NCAPD2: variants seen among roughly 807,000 people sequenced by gnomAD.
The protein encoded by NCAPD2 is condensin complex subunit 1.
In NCAPD2, 100 loss-of-function variants were observed where a neutral mutation model predicts 164.5. That is an observed-to-expected ratio of 0.61 (90% CI 0.52 to 0.72). The LOEUF is 0.72. NCAPD2 is among the 30% of genes least tolerant of loss of function. NCAPD2 has a pLI of 0.00. For synonymous variants in NCAPD2, 585 were observed against 642.6 expected, an observed-to-expected ratio of 0.91 and a Z score of 1.36; for missense variants, 1,560 against 1,749.2, an observed-to-expected ratio of 0.89 and a Z score of 1.93.
In NCAPD2 at chr12:6,518,506, T is replaced by TTTTGTTTTG. The variant is rs1565544095; in HGVS notation, c.1589+550_1589+551insGTTTTGTTT. Reference sequence around the variant, plus strand: ...AAAGCCCTTACAGCCGTCAACAAGTTTTTTTTTTTTTTTTTTTTTTTTTTT... The same window carrying TTTTGTTTTG: ...AAAGCCCTTACAGCCGTCAACAAGTTTTTGTTTTGTTTTTTTTTTTTTTTTTTTTTTTTT... On this transcript the variant is annotated intron_variant, in intron 13 of 31. Coordinates refer to ENST00000315579, the MANE Select transcript of NCAPD2 (RefSeq NM_014865.4). Among the ~76,000 whole-genome samples, 5 of 86,368 alleles carry TTTTGTTTTG rather than the reference T, an allele frequency of 5.8e-5. 2 individuals carry two copies. Among genetic ancestry groups the TTTTGTTTTG allele is most frequent in the African/African-American group, 2.9e-4 (5 of 17,142 alleles). 56.7% of individuals were successfully genotyped at this position (86,368 alleles called of 152,430 possible). A position where few individuals can be genotyped will look rare whatever the true frequency, so the allele number is the denominator to read the frequency against.
intron 6 of NCAPD2, among the ~76,000 whole-genome samples, chr12:6,513,715 C>CTTTGTTTTTTTTTTTTTTTTTTTTTTTTT: frequency 1.3e-5 from 1 of 74,894 alleles, no homozygotes; most frequent in Non-Finnish European, 2.5e-5. Context: ...GTGACTTTGT[C>CTTTGTTTTTTTTTTTTTTTTTTTTTTTTT]TTTTTTTTTT....
At chr12:6,521,187 T>C in intron 14 of NCAPD2, 77 bp downstream of exon 14, 3 of 1,544,546 alleles carry the variant, frequency 1.9e-6, no homozygotes, top group South Asian at 2.4e-5. Context: ...TATGCCATCA[T>C]TGGCCTGGTT....
intron 10 of NCAPD2, 143 bp downstream of exon 10, chr12:6,517,168 C>T: frequency 8.0e-7 from 1 of 1,257,400 alleles, no homozygotes; most frequent in Non-Finnish European, 1.1e-6. Context: ...TCTTCCTCTA[C>T]CAAGGACGAG....
chr12:6,523,165 C>T (rs1020441456), intron 16 of NCAPD2, 97 bp from the exon 17 acceptor site: 32 of 1,460,052 alleles, frequency 2.2e-5, no homozygotes, highest in East Asian at 9.1e-5. Context: ...CCAGGGAGAG[C>T]AGTTTTGTAG....
chr12:6,524,882 G>A (rs544758097), intron 17 of NCAPD2, among the ~76,000 whole-genome samples: 1 of 152,226 alleles, frequency 6.6e-6, no homozygotes, highest in South Asian at 2.1e-4. Context: ...TCTCCTCACT[G>A]GGGAAAAGAA....
chr12:6,504,223 A>ATATATATAT (rs1565539624), intron 2 of NCAPD2, among the ~76,000 whole-genome samples: 2 of 26,680 alleles, frequency 7.5e-5, no homozygotes, highest in African/African-American at 6.1e-4. Flanking sequence ...ATATAGATAT[A>ATATATATAT]GATATATATA....
rs201334852 is a variant in NCAPD2 at position 6,516,899 on chromosome 12, A to G, written c.1059A>G (p.Gln353=). 2.2e-5 allele frequency: 35 copies of G among 1,614,076 alleles called. No homozygotes were observed. Among genetic ancestry groups the G allele is most frequent in the Middle Eastern group, 3.3e-4 (2 of 6,084 alleles). Residue 353 remains glutamine (Q), a synonymous_variant, in exon 10 of 32, where the codon CAA becomes CAG. Transcript: ENST00000315579. ...TGCTGCAGGTTCTCAGTGGCGATCA[A>G]CTGGAAGCAGCAGCCCGAGACACCA... ...EMVLQVLSGD[Q]LEAAARDTRD...
Position 6,529,501 on chromosome 12 carries a change from C to G in NCAPD2, c.3573-12C>G, listed in dbSNP as rs781365326. ...CTGGGCCATCGAACATCCTCATCTC[C>G]CCTTCCTGCAGACAGCTCCTCTCCT... On this transcript the variant is annotated splice_polypyrimidine_tract_variant and intron_variant, in intron 27 of 31. Coordinates refer to ENST00000315579, the MANE Select transcript of NCAPD2 (RefSeq NM_014865.4). The G allele has an allele frequency of 6.2e-7, 1 of 1,613,310 alleles. No individual in the cohort carries two copies. Among genetic ancestry groups the G allele is most frequent in the Non-Finnish European group, 8.5e-7 (1 of 1,179,300 alleles).
chr12:6,514,706 A>G, intron 8 of NCAPD2, 67 bp from the exon 9 acceptor site: 1 of 1,606,726 alleles, frequency 6.2e-7, no homozygotes, highest in South Asian at 1.1e-5. Flanking sequence ...TACCTGTCTT[A>G]CCTTCCCTTA....
rs1231776815 is a variant in NCAPD2, at chr12:6,529,592, C to T, written c.3652C>T (p.Arg1218Ter). 6 of 1,614,030 alleles carry T rather than the reference C, an allele frequency of 3.7e-6. No individual in the cohort carries two copies. Among genetic ancestry groups the T allele is most frequent in the South Asian group, 1.1e-5 (1 of 91,084 alleles). The stretch of plus-strand genomic sequence containing the variant: ...GCTGTGTCAGCGGTTCCGCACATCC[C>T]GGTATGCTGCCCTCCCTGAGGGTTC... ...EKLCQRFRTS[R>*]TERQQRDLAY... The change falls in exon 28 of 32, where the codon CGA (arginine) becomes TGA (stop). Residue 1218 changes from arginine to a stop codon, truncating the protein, a stop_gained and splice_region_variant. Coordinates refer to ENST00000315579, the MANE Select transcript of NCAPD2 (RefSeq NM_014865.4). LOFTEE classifies it high-confidence loss of function.
At chr12:6,518,082 G>A in intron 13 of NCAPD2, 123 bp downstream of exon 13, 1 of 919,562 alleles carries the variant, frequency 1.1e-6, no homozygotes, top group Admixed American at 2.3e-5. Context: ...GGTGATGGTA[G>A]ATGTTTTCAT....
rs714775 is a variant in NCAPD2, at chr12:6,510,236, T to A, written c.262+103T>A. 8.9e-4 allele frequency: 1,097 copies of A among 1,235,882 alleles called. 4 individuals are homozygous for A. The African/African-American group carries it at 0.015, about 17-fold the overall frequency. The allele number at this position is 1,235,882 out of a possible 1,614,324, so 76.6% of individuals were successfully genotyped here. A position where few individuals can be genotyped will look rare whatever the true frequency, so the allele number is the denominator to read the frequency against. ...ACATTTTGTCAGCCACATGATGATA[T>A]CAAGGCTGTTGTGATTCAGTTGGTT... On this transcript the variant is annotated intron_variant, in intron 4 of 31. Coordinates refer to ENST00000315579, the MANE Select transcript of NCAPD2 (RefSeq NM_014865.4).
At chr12:6,523,027 C>T in intron 16 of NCAPD2, 25 bp downstream of exon 16, 1 of 1,611,968 alleles carries the variant, frequency 6.2e-7, no homozygotes, top group Non-Finnish European at 8.5e-7. Context: ...TTTGCCTTTG[C>T]TGACTTTTCC....
At chr12:6,508,904 C>T (rs1054324503) in intron 2 of NCAPD2, among the ~76,000 whole-genome samples, 5 of 151,922 alleles carry the variant, frequency 3.3e-5, no homozygotes, top group Non-Finnish European at 7.4e-5. Flanking sequence ...AATATAATCG[C>T]GAGAAAACAG....
At chr12:6,529,407 G>A (rs894728635) in intron 27 of NCAPD2, 106 bp from the exon 28 acceptor site, 6 of 1,020,820 alleles carry the variant, frequency 5.9e-6, no homozygotes, top group Non-Finnish European at 9.1e-6. Flanking sequence ...GGCCGTGGCA[G>A]AGAACATCAG....
chr12:6,520,128 C>T (rs1258326339), intron 13 of NCAPD2, among the ~76,000 whole-genome samples: 1 of 151,006 alleles, frequency 6.6e-6, no homozygotes, highest in Non-Finnish European at 1.5e-5. Context: ...TTATAGTGAG[C>T]CAAGATCATG....
At position 6,529,613 on chromosome 12, in the gene NCAPD2, G is replaced by T. The variant is rs1227011284; in HGVS notation, c.3653+20G>T. 5.6e-6 allele frequency: 9 copies of T among 1,613,652 alleles called. No homozygotes were observed. The highest frequency in any genetic ancestry group is 7.6e-6 in the Non-Finnish European group (9 of 1,179,662). On this transcript the variant is annotated intron_variant, in intron 28 of 31. Transcript: ENST00000315579. ...ATCCCGGTATGCTGCCCTCCCTGAG[G>T]GTTCTTTGTGCTGAGCGGGGCCCTG...
rs1373953332 is a variant in NCAPD2 at position 6,529,792 on chromosome 12, G to A, written c.3671G>A (p.Arg1224Gln). The change falls in exon 29 of 32, where the codon CGA (arginine) becomes CAA (glutamine). Residue 1224 changes from arginine (R) to glutamine (Q), a missense_variant. Coordinates refer to ENST00000315579, the MANE Select transcript of NCAPD2 (RefSeq NM_014865.4). ...ATCTGCAGAACTGAGCGGCAGCAGC[G>A]AGACCTGGCCTACTGTGTGTCACAG... ...FRTSRTERQQ[R>Q]DLAYCVSQLP... is the part of the protein sequence containing the mutation. 10 of 1,613,496 alleles carry A rather than the reference G, an allele frequency of 6.2e-6. No homozygotes were observed. Among genetic ancestry groups the A allele is most frequent in the East Asian group, 2.2e-5 (1 of 44,872 alleles).
intron 2 of NCAPD2, among the ~76,000 whole-genome samples, chr12:6,495,942 T>C (rs1213259992): frequency 6.6e-6 from 1 of 152,186 alleles, no homozygotes; most frequent in Non-Finnish European, 1.5e-5. Context: ...CCAATTCCTT[T>C]GTTATCACCT....
Sources: gnomAD v4.1 joint callset for allele counts (sites outside exome capture counted in the v4.1 genomes callset) on GRCh38, gnomAD v4.1.1 for gene constraint, MANE v1.5 for transcripts, NCBI Gene and HGNC (gene_info 2026-07-23, HGNC 2026-07-21) for gene names.